C2orf49: variants seen among roughly 807,000 people sequenced by gnomAD.
C2orf49 encodes the protein tRNA-splicing ligase complex subunit ASW.
Under a neutral mutation model 20.6 loss-of-function variants are expected in C2orf49, and 11 were observed. That is an observed-to-expected ratio of 0.53 (90% CI 0.34 to 0.88). The LOEUF (loss-of-function observed/expected upper bound fraction) is 0.88, where lower values mean the gene tolerates loss of function less well. Ranked by LOEUF, C2orf49 falls within the 40% of genes least tolerant of loss-of-function variation. The pLI is 0.02. For synonymous variants in C2orf49, 134 were observed against 108.5 expected (o/e 1.24, Z -1.46); for missense variants, 289 against 274.2 (o/e 1.05, Z -0.38).
At chr2:105,366,078 G>A in the C2orf49 span, among the ~76,000 whole-genome samples, 18 of 151,390 alleles carry the variant, frequency 1.2e-4, no homozygotes, top group African/African-American at 1.7e-4. Flanking sequence ...GCATGGTGAC[G>A]CACGCCTGTA....
chr2:105,371,244 G>GT, the C2orf49 span, among the ~76,000 whole-genome samples: 16 of 152,134 alleles, frequency 1.1e-4, no homozygotes, highest in African/African-American at 3.9e-4. Context: ...TTTTTTAGAT[G>GT]TGACTAACAT....
At chr2:105,367,294 T>G in the C2orf49 span, among the ~76,000 whole-genome samples, 1 of 152,022 alleles carries the variant, frequency 6.6e-6, no homozygotes, top group Non-Finnish European at 1.5e-5. Flanking sequence ...CCCTCTAACC[T>G]CAGGTTATCA....
At chr2:105,372,933 A>AAAAAC in the C2orf49 span, among the ~76,000 whole-genome samples, 1 of 152,300 alleles carries the variant, frequency 6.6e-6, no homozygotes, top group Non-Finnish European at 1.5e-5. Context: ...CTCCTACATA[A>AAAAAC]AAAACAAAAC....
the C2orf49 span, among the ~76,000 whole-genome samples, chr2:105,367,053 C>T: frequency 1.3e-5 from 2 of 152,258 alleles, no homozygotes; most frequent in African/African-American, 2.4e-5. Context: ...GGATTACAGG[C>T]ATGAGCCTCC....
the C2orf49 span, among the ~76,000 whole-genome samples, chr2:105,371,137 G>A: frequency 6.6e-6 from 1 of 152,188 alleles, no homozygotes. Context: ...CCATGAGAAA[G>A]GGAAGGTGTG....
At chr2:105,379,324 G>A in the C2orf49 span, among the ~76,000 whole-genome samples, 1 of 152,142 alleles carries the variant, frequency 6.6e-6, no homozygotes, top group South Asian at 2.1e-4. Context: ...AATGAGAAGA[G>A]TTGCCTCAAT....
At chr2:105,367,005 C>T in the C2orf49 span, among the ~76,000 whole-genome samples, 5 of 152,314 alleles carry the variant, frequency 3.3e-5, no homozygotes, top group Admixed American at 3.3e-4. Flanking sequence ...CTTGGCCTCC[C>T]ACAGGTGATC....
At chr2:105,356,622 C>A in the C2orf49 span, among the ~76,000 whole-genome samples, 1 of 152,166 alleles carries the variant, frequency 6.6e-6, no homozygotes, top group Non-Finnish European at 1.5e-5. Flanking sequence ...GAATTTAGCC[C>A]AGGGACCATA....
At chr2:105,380,554 G>T in the C2orf49 span, among the ~76,000 whole-genome samples, 1 of 152,136 alleles carries the variant, frequency 6.6e-6, no homozygotes, top group Non-Finnish European at 1.5e-5. Context: ...AAACAGAAAA[G>T]CTCCAAACCG....
chr2:105,364,324 C>T, the C2orf49 span, among the ~76,000 whole-genome samples: 1 of 152,188 alleles, frequency 6.6e-6, no homozygotes, highest in Non-Finnish European at 1.5e-5. Context: ...ACTCACGAGC[C>T]TGTCTCTCCA....
chr2:105,367,036 A>G, the C2orf49 span, among the ~76,000 whole-genome samples: 1 of 152,238 alleles, frequency 6.6e-6, no homozygotes, highest in Non-Finnish European at 1.5e-5. Flanking sequence ...GGCCTCCCAC[A>G]GTGCTGGGAT....
the C2orf49 span, chr2:105,367,589 T>C: frequency 6.2e-7 from 1 of 1,614,086 alleles, no homozygotes; most frequent in Non-Finnish European, 8.5e-7. Flanking sequence ...CTGAACGCAC[T>C]GCATGGCATG....
the C2orf49 span, chr2:105,363,282 C>CA: frequency 6.2e-7 from 1 of 1,613,732 alleles, no homozygotes; most frequent in Admixed American, 1.7e-5. Flanking sequence ...CCGGGACACT[C>CA]ACCGCTGATG....
In C2orf49 at chr2:105,348,527, C is replaced by CATATATATATATATATAT. The variant is rs10533537; in HGVS notation, c.*3169_*3186dup. ...AAGTAAAACTGCCAGTAGATTAAAT[C>CATATATATATATATATAT]ATATATATATATATATATATATATA... On this transcript the variant is annotated 3_prime_UTR_variant, in exon 4 of 4. Transcript: ENST00000258457. 1.5e-5 allele frequency: 2 copies of CATATATATATATATATAT among 132,426 alleles called. No homozygotes were observed. Among genetic ancestry groups the CATATATATATATATATAT allele is most frequent in the African/African-American group, 5.6e-5 (2 of 35,506 alleles). 8.2% of individuals were successfully genotyped at this position (132,426 alleles called of 1,614,324 possible).
the C2orf49 span, chr2:105,373,606 T>C: frequency 1.2e-6 from 2 of 1,614,178 alleles, no homozygotes; most frequent in Non-Finnish European, 1.7e-6. Context: ...TGAGTACTCG[T>C]TGGAATAGCA....
At chr2:105,368,056 T>A in the C2orf49 span, among the ~76,000 whole-genome samples, 1 of 152,226 alleles carries the variant, frequency 6.6e-6, no homozygotes, top group African/African-American at 2.4e-5. Flanking sequence ...ATGCAAAGTA[T>A]AAAGAGAAGT....
chr2:105,358,566 G>A, the C2orf49 span: 3 of 152,288 alleles, frequency 2.0e-5, no homozygotes, highest in Non-Finnish European at 2.9e-5. Flanking sequence ...GGGATAGGAT[G>A]AGGCTGTGGC....
the C2orf49 span, chr2:105,361,460 G>A: frequency 2.1e-5 from 33 of 1,599,084 alleles, no homozygotes; most frequent in East Asian, 1.6e-4. Flanking sequence ...AAATAATACC[G>A]GATGAAGAAA....
the C2orf49 span, among the ~76,000 whole-genome samples, chr2:105,377,364 C>G: frequency 6.6e-6 from 1 of 152,178 alleles, no homozygotes; most frequent in African/African-American, 2.4e-5. Flanking sequence ...GGCGAGGTGG[C>G]TCACGCCTGT....
Sources: allele counts gnomAD v4.1 joint callset (sites outside exome capture counted in the v4.1 genomes callset), GRCh38; gene constraint gnomAD v4.1.1; transcripts MANE v1.5; gene names NCBI Gene and HGNC (gene_info 2026-07-23, HGNC 2026-07-21).